VOPP1: variants seen among roughly 807,000 people sequenced by gnomAD.
VOPP1 encodes VOPP1 WW domain binding protein, also known as WW domain binding protein VOPP1.
In VOPP1, 8 loss-of-function variants were observed where a neutral mutation model predicts 23.5. The ratio of observed to expected loss-of-function variants is 0.34; its 90% CI spans 0.20 to 0.61. VOPP1 has a LOEUF of 0.61. Among genes scored for constraint, VOPP1 ranks in the 20% least tolerant of loss-of-function variants. The pLI, the probability that VOPP1 is intolerant of heterozygous loss-of-function variation, is 0.78. For missense variants in VOPP1, 174 were observed against 238.1 expected, an observed-to-expected ratio of 0.73 and a Z score of 1.77; for synonymous variants, 83 against 97.3, an observed-to-expected ratio of 0.85 and a Z score of 0.86.
chr7:55,499,233 A>C (rs945096306), intron 2 of VOPP1, among the ~76,000 whole-genome samples: 12 of 152,154 alleles, frequency 7.9e-5, no homozygotes, highest in Admixed American at 7.9e-4. Context: ...CAGGTGGACC[A>C]CTTGAGGTCA....
intron 4 of VOPP1, among the ~76,000 whole-genome samples, chr7:55,486,146 C>T (rs187358111): frequency 7.9e-5 from 12 of 152,340 alleles, no homozygotes; most frequent in Non-Finnish European, 1.2e-4. Context: ...GGGCAAGGGA[C>T]TTAAATCTGC....
chr7:55,522,353 A>G (rs1355592200), intron 1 of VOPP1, among the ~76,000 whole-genome samples: 1 of 152,228 alleles, frequency 6.6e-6, no homozygotes. Flanking sequence ...TCAGAAGCAT[A>G]CTCAGGCAGC....
intron 4 of VOPP1, among the ~76,000 whole-genome samples, chr7:55,439,595 G>A (rs150664654): frequency 9.7e-4 from 148 of 152,356 alleles, no homozygotes; most frequent in African/African-American, 3.5e-3. Context: ...TGGAAGTGCT[G>A]GAGTGACGTC....
At chr7:55,488,828 C>G (rs951537594) in intron 4 of VOPP1, among the ~76,000 whole-genome samples, 1 of 152,260 alleles carries the variant, frequency 6.6e-6, no homozygotes, top group African/African-American at 2.4e-5. Flanking sequence ...AACACCCACC[C>G]TGCTTTGTGC....
chr7:55,523,750 G>A (rs956237093), intron 1 of VOPP1, among the ~76,000 whole-genome samples: 14 of 152,132 alleles, frequency 9.2e-5, no homozygotes, highest in Non-Finnish European at 2.1e-4. Context: ...GGCCCAGACT[G>A]CAATGCTCAC....
At chr7:55,560,123 G>A (rs1445337770) in intron 1 of VOPP1, among the ~76,000 whole-genome samples, 1 of 152,140 alleles carries the variant, frequency 6.6e-6, no homozygotes, top group Admixed American at 6.5e-5. Context: ...ACTGCACTCC[G>A]GCCTGGGGAA....
At chr7:55,552,470 C>A (rs905023623) in intron 1 of VOPP1, among the ~76,000 whole-genome samples, 1 of 151,936 alleles carries the variant, frequency 6.6e-6, no homozygotes, top group Non-Finnish European at 1.5e-5. Flanking sequence ...TTATTAGACA[C>A]CCATTATTTT....
At chr7:55,537,739 C>T (rs1796884692) in intron 1 of VOPP1, 2 of 1,401,496 alleles carry the variant, frequency 1.4e-6, no homozygotes, top group African/African-American at 1.4e-5. Flanking sequence ...GCGCTTGTGA[C>T]AGTGTGAAAA....
intron 4 of VOPP1, among the ~76,000 whole-genome samples, chr7:55,477,172 C>A (rs1435822861): frequency 6.6e-6 from 1 of 152,228 alleles, no homozygotes; most frequent in Non-Finnish European, 1.5e-5. Flanking sequence ...TGAGCAGGCA[C>A]CCCTGTCCTC....
At chr7:55,565,779 GTA>G (rs1798144570) in intron 1 of VOPP1, among the ~76,000 whole-genome samples, 2 of 99,496 alleles carry the variant, frequency 2.0e-5, no homozygotes, top group East Asian at 3.2e-4. Context: ...GTATAAACTA[GTA>G]TAATTTTATC....
At chr7:55,539,710 G>A (rs2129050310) in intron 1 of VOPP1, 1 of 152,360 alleles carries the variant, frequency 6.6e-6, no homozygotes, top group Middle Eastern at 3.4e-3. Context: ...GAGGTGGCAT[G>A]CTGAAGGGAG....
chr7:55,556,749 G>A (rs1797822155), intron 1 of VOPP1, among the ~76,000 whole-genome samples: 1 of 150,876 alleles, frequency 6.6e-6, no homozygotes, highest in Non-Finnish European at 1.5e-5. Flanking sequence ...TCTTTTTCTT[G>A]CTCTGTACAT....
intron 4 of VOPP1, among the ~76,000 whole-genome samples, chr7:55,461,375 A>G (rs779486961): frequency 6.6e-6 from 1 of 152,090 alleles, no homozygotes; most frequent in Non-Finnish European, 1.5e-5. Flanking sequence ...GTTCACCAAT[A>G]ACCTACAGAA....
At chr7:55,547,261 T>A (rs1459653008) in intron 1 of VOPP1, among the ~76,000 whole-genome samples, 1 of 152,048 alleles carries the variant, frequency 6.6e-6, no homozygotes, top group East Asian at 1.9e-4. Flanking sequence ...GTTCCACAGA[T>A]AACAGGACCC....
At chr7:55,450,209 T>C (rs1791208152) in intron 4 of VOPP1, among the ~76,000 whole-genome samples, 1 of 152,174 alleles carries the variant, frequency 6.6e-6, no homozygotes, top group African/African-American at 2.4e-5. Flanking sequence ...GCAGGAGACC[T>C]CAGGCTGGTC....
chr7:55,520,923 G>T, intron 2 of VOPP1, 149 bp downstream of exon 2: 4 of 752,952 alleles, frequency 5.3e-6, no homozygotes, highest in Non-Finnish European at 8.7e-6. Context: ...GAGGTCACCT[G>T]CTCATCCCCC....
intron 4 of VOPP1, among the ~76,000 whole-genome samples, chr7:55,490,335 G>A (rs977180060): frequency 1.3e-5 from 2 of 152,226 alleles, no homozygotes; most frequent in Non-Finnish European, 2.9e-5. Flanking sequence ...CAGATGGAGC[G>A]GGGTTAGGTG....
chr7:55,529,386 AAAAG>A (rs1290214790), intron 1 of VOPP1, among the ~76,000 whole-genome samples: 1 of 129,428 alleles, frequency 7.7e-6, no homozygotes, highest in Non-Finnish European at 1.7e-5. Context: ...AAAAAAAAAA[AAAAG>A]AGTCCTCAAT....
At chr7:55,525,406 G>A (rs565976313) in intron 1 of VOPP1, among the ~76,000 whole-genome samples, 11 of 151,822 alleles carry the variant, frequency 7.2e-5, no homozygotes, top group African/African-American at 2.4e-4. Flanking sequence ...GGAGAATGGC[G>A]TGAACTCGGG....
Sources: gnomAD v4.1 joint callset for allele counts (sites outside exome capture counted in the v4.1 genomes callset) on GRCh38, gnomAD v4.1.1 for gene constraint, MANE v1.5 for transcripts, NCBI Gene and HGNC (gene_info 2026-07-23, HGNC 2026-07-21) for gene names.